MDGA2: variants seen among roughly 807,000 people sequenced by gnomAD.
MDGA2 encodes the protein MAM domain containing glycosylphosphatidylinositol anchor 2.
Under a neutral mutation model 117.8 loss-of-function variants are expected in MDGA2, and 40 were observed. The observed-to-expected ratio is 0.34, with a 90% CI of 0.26 to 0.44. The LOEUF is 0.44. MDGA2 is among the 20% of genes least tolerant of loss of function. The probability of loss-of-function intolerance (pLI) is 1.00; values close to 1 mark genes in which losing one functional copy is unlikely to be tolerated. For synonymous variants in MDGA2, 452 were observed against 439.0 expected, an observed-to-expected ratio of 1.03 and a Z score of -0.37; for missense variants, 1,123 against 1,250.6, an observed-to-expected ratio of 0.90 and a Z score of 1.54.
At chr14:47,521,886 GGT>G (rs1471403319) in intron 1 of MDGA2, among the ~76,000 whole-genome samples, 4 of 152,038 alleles carry the variant, frequency 2.6e-5, no homozygotes, top group African/African-American at 4.8e-5. Context: ...TGGCCAGGCT[GGT>G]TTCGAACTCC....
intron 2 of MDGA2, among the ~76,000 whole-genome samples, chr14:47,228,874 T>G (rs539253427): frequency 1.3e-5 from 2 of 152,266 alleles, no homozygotes; most frequent in African/African-American, 4.8e-5. Flanking sequence ...GCAGGGAAGT[T>G]CATTAGAAAC....
intron 3 of MDGA2, among the ~76,000 whole-genome samples, chr14:47,183,329 A>G (rs934730116): frequency 3.3e-4 from 50 of 152,068 alleles, no homozygotes; most frequent in African/African-American, 1.2e-3. Context: ...CATCTCTTAC[A>G]TTACAAGCAT....
rs527504774 is a variant in MDGA2, at chr14:46,855,515, T to C, written c.2753-361A>G. 6.6e-6 allele frequency among the ~76,000 whole-genome samples: 1 copy of C among 151,990 alleles called. No homozygotes were observed. Among genetic ancestry groups the C allele is most frequent in the Non-Finnish European group, 1.5e-5 (1 of 67,978 alleles). ...ATACAGGAAAGAAGGCCATGAGAGATAGAGATGTTACATGGCTGGTTTCCA... is the reference window on the plus strand; with the variant it reads ...ATACAGGAAAGAAGGCCATGAGAGACAGAGATGTTACATGGCTGGTTTCCA... On this transcript the variant is annotated intron_variant, in intron 14 of 16. Coordinates refer to ENST00000399232, the MANE Select transcript of MDGA2 (RefSeq NM_001113498.3). The surrounding 1 kb of genome is among the most constrained non-coding windows in gnomAD (Gnocchi z 4.1).
intron 1 of MDGA2, among the ~76,000 whole-genome samples, chr14:47,436,591 C>T (rs765154789): frequency 4.6e-5 from 7 of 152,046 alleles, no homozygotes; most frequent in East Asian, 1.9e-4. Context: ...ACCCTCTAGC[C>T]GAGGGGTGTC....
intron 10 of MDGA2, among the ~76,000 whole-genome samples, chr14:46,912,028 C>T (rs1595039327): frequency 6.6e-6 from 1 of 152,130 alleles, no homozygotes; most frequent in Non-Finnish European, 1.5e-5. Context: ...GCCAATTCAC[C>T]TCATGGGCTC....
intron 9 of MDGA2, among the ~76,000 whole-genome samples, chr14:46,933,263 A>G (rs1461481125): frequency 6.6e-6 from 1 of 152,068 alleles, no homozygotes; most frequent in East Asian, 1.9e-4. Flanking sequence ...GACTTTACTC[A>G]CAAAATTAAT....
At chr14:47,052,314 A>G (rs1182814265) in intron 7 of MDGA2, among the ~76,000 whole-genome samples, 1 of 151,906 alleles carries the variant, frequency 6.6e-6, no homozygotes, top group African/African-American at 2.4e-5. Context: ...TGAGAATTTG[A>G]AAAAGTATTT....
rs536893012 is a variant in MDGA2 at position 46,980,275 on chromosome 14, A to C, written c.1820-22632T>G. Among the ~76,000 whole-genome samples the C allele has an allele frequency of 2.6e-5, 4 of 152,328 alleles. No homozygotes were observed. In the South Asian group the frequency reaches 8.3e-4, roughly 32 times the overall value. On this transcript the variant is annotated intron_variant, in intron 8 of 16. Transcript: ENST00000399232. ...ACTTCAGTTGAGGAAATCACTGCAGATGTGCTGGAAATAGCAAGATAACTA... is the reference window on the plus strand; with the variant it reads ...ACTTCAGTTGAGGAAATCACTGCAGCTGTGCTGGAAATAGCAAGATAACTA...
chr14:47,525,908 C>A (rs1894964502), intron 1 of MDGA2, among the ~76,000 whole-genome samples: 1 of 151,898 alleles, frequency 6.6e-6, no homozygotes, highest in Admixed American at 6.6e-5. Context: ...TTCTAGAACT[C>A]TAAATTATAT....
At chr14:47,221,218 G>T (rs1196014399) in intron 2 of MDGA2, among the ~76,000 whole-genome samples, 2 of 152,088 alleles carry the variant, frequency 1.3e-5, no homozygotes, top group African/African-American at 4.8e-5. Flanking sequence ...TAACATTGTA[G>T]GGATGGAAGG....
intron 1 of MDGA2, among the ~76,000 whole-genome samples, chr14:47,621,001 C>A (rs1897039984): frequency 6.6e-6 from 1 of 152,308 alleles, no homozygotes; most frequent in African/African-American, 2.4e-5. Context: ...TAATATACTT[C>A]AACATAACAA....
intron 3 of MDGA2, among the ~76,000 whole-genome samples, chr14:47,150,848 C>T (rs1259123665): frequency 5.3e-5 from 8 of 149,820 alleles, no homozygotes; most frequent in African/African-American, 1.2e-4. Context: ...CGCTTGAACC[C>T]GGGAGGTAGA....
At chr14:47,026,516 T>C (rs1888478896) in intron 8 of MDGA2, among the ~76,000 whole-genome samples, 1 of 151,956 alleles carries the variant, frequency 6.6e-6, no homozygotes, top group Non-Finnish European at 1.5e-5. Context: ...TTATTGTTGG[T>C]ATATTTAAAA....
chr14:47,219,333 CCTT>C (rs1886212694), intron 2 of MDGA2, among the ~76,000 whole-genome samples: 1 of 150,230 alleles, frequency 6.7e-6, no homozygotes, highest in South Asian at 2.1e-4. Flanking sequence ...CCACGTTTGC[CCTT>C]AATTGTGAAT....
intron 5 of MDGA2, among the ~76,000 whole-genome samples, chr14:47,117,667 T>C (rs898702804): frequency 4.6e-5 from 7 of 152,110 alleles, no homozygotes; most frequent in African/African-American, 1.7e-4. Context: ...TATTGCACAA[T>C]TGCATTTATA....
At chr14:47,469,824 T>C (rs12432956) in intron 1 of MDGA2, among the ~76,000 whole-genome samples, 42,385 of 152,016 alleles carry the variant, frequency 0.28, 6,286 homozygotes, top group South Asian at 0.52. Flanking sequence ...TGTTGTTTCC[T>C]GACATTTTAA....
intron 4 of MDGA2, among the ~76,000 whole-genome samples, chr14:47,139,943 C>T (rs1882647842): frequency 6.7e-6 from 1 of 149,224 alleles, no homozygotes; most frequent in African/African-American, 2.5e-5. Context: ...AAAACACTAG[C>T]ACAATAAGCA....
At chr14:47,536,706 G>A (rs1232518563) in intron 1 of MDGA2, among the ~76,000 whole-genome samples, 1 of 152,074 alleles carries the variant, frequency 6.6e-6, no homozygotes, top group Non-Finnish European at 1.5e-5. Context: ...ATGGAGTCTC[G>A]CTCTATTGCA....
chr14:46,918,616 T>TG (rs2138506278), intron 10 of MDGA2, among the ~76,000 whole-genome samples: 1 of 152,254 alleles, frequency 6.6e-6, no homozygotes, highest in South Asian at 2.1e-4. Context: ...TGATCCACTA[T>TG]GGTCTGCTGT....
Sources: gnomAD v4.1 joint callset for allele counts (sites outside exome capture counted in the v4.1 genomes callset) on GRCh38, gnomAD v4.1.1 for gene constraint, Gnocchi (gnomAD v3.1) non-coding constraint, MANE v1.5 for transcripts, NCBI Gene and HGNC (gene_info 2026-07-23, HGNC 2026-07-21) for gene names.